The following SGCZ variants were observed in gnomAD, a reference collection of about 807,000 sequenced individuals.
The protein encoded by SGCZ is sarcoglycan zeta.
A neutral mutation model predicts 41.3 loss-of-function variants in SGCZ; 40 were observed. The observed-to-expected ratio is 0.97, with a 90% CI of 0.75 to 1.26. SGCZ has a LOEUF of 1.26. SGCZ is among the 50% of genes most tolerant of loss of function. The probability of loss-of-function intolerance (pLI) is 0.00; values close to 1 mark genes in which losing one functional copy is unlikely to be tolerated. For synonymous variants in SGCZ, 206 were observed against 137.5 expected (o/e 1.50, Z -3.49); for missense variants, 552 against 369.8 (o/e 1.49, Z -4.04).
chr8:14,713,364 T>A (rs917414483), intron 1 of SGCZ, among the ~76,000 whole-genome samples: 1 of 152,194 alleles, frequency 6.6e-6, no homozygotes. Flanking sequence ...ACTATTACTA[T>A]AATTTGTCAC....
intron 1 of SGCZ, among the ~76,000 whole-genome samples, chr8:15,158,036 C>T (rs778515493): frequency 1.3e-5 from 2 of 152,134 alleles, no homozygotes; most frequent in African/African-American, 2.4e-5. Flanking sequence ...ATGCACTTGC[C>T]TCTCACCACC....
chr8:14,120,938 T>C (rs757000857), intron 5 of SGCZ, among the ~76,000 whole-genome samples: 14 of 152,074 alleles, frequency 9.2e-5, no homozygotes, highest in Non-Finnish European at 1.6e-4. Flanking sequence ...ATTCTAAATC[T>C]CTATAGAAGA....
At chr8:14,773,503 A>T (rs1265727324) in intron 1 of SGCZ, among the ~76,000 whole-genome samples, 1 of 152,178 alleles carries the variant, frequency 6.6e-6, no homozygotes, top group Non-Finnish European at 1.5e-5. Flanking sequence ...TCAACATTTC[A>T]AACTCTTCTG....
Position 14,887,306 on chromosome 8 carries a change from C to T in SGCZ, c.40-332380G>A, listed in dbSNP as rs374802381. On this transcript the variant is annotated intron_variant, in intron 1 of 7. Transcript: ENST00000382080. Reference sequence around the variant, plus strand: ...TTCCATGGATAACTATATATGGAGTCAGTCAACATTGACTCCAATATTCAT... The same window carrying T: ...TTCCATGGATAACTATATATGGAGTTAGTCAACATTGACTCCAATATTCAT... Among the ~76,000 whole-genome samples the T allele has an allele frequency of 9.2e-5, 14 of 152,168 alleles. No individual in the cohort carries two copies. The East Asian group carries it at 2.7e-3, about 29-fold the overall frequency.
intron 2 of SGCZ, among the ~76,000 whole-genome samples, chr8:14,478,690 C>G (rs1801433793): frequency 6.6e-6 from 1 of 152,178 alleles, no homozygotes. Context: ...TTTGTTTCAG[C>G]TTAAATTCAT....
chr8:14,769,816 C>CAAAAAAAAAAAAAAAAAAAAAAAAA (rs1800174947), intron 1 of SGCZ, among the ~76,000 whole-genome samples: 1 of 91,218 alleles, frequency 1.1e-5, no homozygotes, highest in African/African-American at 8.5e-5. Context: ...AAAAAAAAAA[C>CAAAAAAAAAAAAAAAAAAAAAAAAA]CCAGCAACAA....
At chr8:15,132,224 T>C (rs1434808905) in intron 1 of SGCZ, among the ~76,000 whole-genome samples, 1 of 152,176 alleles carries the variant, frequency 6.6e-6, no homozygotes, top group Non-Finnish European at 1.5e-5. Context: ...TTAAAAGTGA[T>C]TGGAAAAGAG....
At chr8:15,083,019 A>G (rs745787187) in intron 1 of SGCZ, among the ~76,000 whole-genome samples, 2 of 151,708 alleles carry the variant, frequency 1.3e-5, no homozygotes, top group Non-Finnish European at 2.9e-5. Flanking sequence ...AAATTTCTGC[A>G]TGAAAACAGG....
At chr8:14,677,111 T>C (rs1043967633) in intron 1 of SGCZ, among the ~76,000 whole-genome samples, 7 of 152,040 alleles carry the variant, frequency 4.6e-5, no homozygotes, top group Admixed American at 3.9e-4. Flanking sequence ...AAATAAGTGA[T>C]AATAGCAAGG....
At chr8:14,598,033 T>C (rs1396923156) in intron 1 of SGCZ, among the ~76,000 whole-genome samples, 1 of 152,206 alleles carries the variant, frequency 6.6e-6, no homozygotes, top group Non-Finnish European at 1.5e-5. Flanking sequence ...GGAGAAATTA[T>C]TGGAGTTAGA....
rs201881681 is a variant in SGCZ at position 14,674,928 on chromosome 8, GTTTT to G, written c.40-120006_40-120003del. Among the ~76,000 whole-genome samples, 25 of 71,006 alleles carry G rather than the reference GTTTT, an allele frequency of 3.5e-4. 3 individuals are homozygous for G. The highest frequency in any genetic ancestry group is 1.5e-3 in the East Asian group (3 of 2,056). 46.6% of individuals were successfully genotyped at this position (71,006 alleles called of 152,430 possible). On this transcript the variant is annotated intron_variant, in intron 1 of 7. Transcript: ENST00000382080. The stretch of plus-strand genomic sequence containing the variant: ...GCCAATTTAACCTCTTTTCTTTTCT[GTTTT>G]TTTTTTTTTTTTTTTTTTTTTTTTG...
chr8:14,807,412 G>A (rs191066942), intron 1 of SGCZ, among the ~76,000 whole-genome samples: 305 of 152,146 alleles, frequency 2.0e-3, no homozygotes, highest in Non-Finnish European at 3.8e-3. Context: ...GAGCAAAAAT[G>A]ACAGGCATTC....
Position 14,461,067 on chromosome 8 carries a change from T to C in SGCZ, c.234+93665A>G, listed in dbSNP as rs970998779. Among the ~76,000 whole-genome samples, 49 of 152,186 alleles carry C rather than the reference T, an allele frequency of 3.2e-4. 1 individual carries two copies. Among genetic ancestry groups the C allele is most frequent in the African/African-American group, 1.1e-3 (47 of 41,558 alleles). ...CACCACACCACCCTGAGAAAAGATA[T>C]GAAAAGGAATTCAGGGTGCCTTGGT... On this transcript the variant is annotated intron_variant, in intron 2 of 7. Coordinates refer to ENST00000382080, the MANE Select transcript of SGCZ (RefSeq NM_139167.4).
At chr8:14,146,740 C>T (rs2116938553) in intron 5 of SGCZ, among the ~76,000 whole-genome samples, 2 of 148,516 alleles carry the variant, frequency 1.3e-5, no homozygotes, top group East Asian at 2.0e-4. Context: ...GGCGTAGTGG[C>T]GGGCGCCTGT....
chr8:14,418,402 G>C (rs1050730292), intron 2 of SGCZ, among the ~76,000 whole-genome samples: 5 of 151,876 alleles, frequency 3.3e-5, no homozygotes, highest in Admixed American at 1.3e-4. Context: ...ATAACCAAAA[G>C]ATAGAATTAG....
chr8:14,538,405 T>G (rs1437634220), intron 2 of SGCZ, among the ~76,000 whole-genome samples: 1 of 151,832 alleles, frequency 6.6e-6, no homozygotes, highest in East Asian at 1.9e-4. Flanking sequence ...GTATTCAATA[T>G]GATGTAAATG....
At chr8:14,963,616 A>G (rs1409932221) in intron 1 of SGCZ, among the ~76,000 whole-genome samples, 1 of 152,160 alleles carries the variant, frequency 6.6e-6, no homozygotes, top group African/African-American at 2.4e-5. Flanking sequence ...TCAAAGTGCT[A>G]GGATTACGGG....
At chr8:14,313,000 G>C (rs1801598571) in intron 3 of SGCZ, among the ~76,000 whole-genome samples, 1 of 152,094 alleles carries the variant, frequency 6.6e-6, no homozygotes, top group African/African-American at 2.4e-5. Context: ...TTTCCCAGTG[G>C]TTAAGGACAT....
At chr8:14,548,593 CCT>C (rs1352989933) in intron 2 of SGCZ, among the ~76,000 whole-genome samples, 1 of 151,992 alleles carries the variant, frequency 6.6e-6, no homozygotes, top group Admixed American at 6.6e-5. Context: ...AACATACACC[CCT>C]GATTTTATCC....
Sources: gnomAD v4.1 joint callset for allele counts (sites outside exome capture counted in the v4.1 genomes callset) on GRCh38, gnomAD v4.1.1 for gene constraint, MANE v1.5 for transcripts, NCBI Gene and HGNC (gene_info 2026-07-23, HGNC 2026-07-21) for gene names.